MATK: variants seen among roughly 807,000 people sequenced by gnomAD.
MATK encodes the protein megakaryocyte-associated tyrosine-protein kinase.
A neutral mutation model predicts 59.8 loss-of-function variants in MATK; 41 were observed. The observed-to-expected ratio is 0.69, with a 90% CI of 0.53 to 0.89. The LOEUF is 0.89. Ranked by LOEUF, MATK falls within the 40% of genes least tolerant of loss-of-function variation. The pLI is 0.00. For synonymous variants in MATK, 308 were observed against 306.1 expected (o/e 1.01, Z -0.06); for missense variants, 593 against 719.6 (o/e 0.82, Z 2.01).
In MATK at chr19:3,781,675, G is replaced by T; in HGVS notation, c.677-3C>A. The stretch of plus-strand genomic sequence containing the variant: ...CTGCAGGTTCAGTAACCAGCCCGCT[G>T]TGGAGTGAAGACCCAGTCAGAGGGG... On this transcript the variant is annotated splice_polypyrimidine_tract_variant and splice_region_variant and intron_variant, in intron 7 of 13. Transcript: ENST00000310132. 6.2e-7 allele frequency: 1 copy of T among 1,612,830 alleles called. No individual in the cohort carries two copies.
chr19:3,801,340 A>G (rs116396737), intron 1 of MATK, among the ~76,000 whole-genome samples: 1,955 of 151,934 alleles, frequency 0.013, 37 homozygotes, highest in African/African-American at 0.045. Context: ...CTGGCCAGGG[A>G]GATGCTGCCT....
intron 1 of MATK, among the ~76,000 whole-genome samples, chr19:3,796,669 C>T (rs943132590): frequency 6.6e-6 from 1 of 152,116 alleles, no homozygotes; most frequent in Non-Finnish European, 1.5e-5. Context: ...CAGCTGTGAT[C>T]CTGGCCCCTC....
At chr19:3,800,184 G>A (rs1482223584) in intron 1 of MATK, among the ~76,000 whole-genome samples, 1 of 151,736 alleles carries the variant, frequency 6.6e-6, no homozygotes. Flanking sequence ...AAAATAAAAT[G>A]TGTCTTGTAG....
At chr19:3,800,602 C>T (rs761799553) in intron 1 of MATK, among the ~76,000 whole-genome samples, 19 of 150,796 alleles carry the variant, frequency 1.3e-4, no homozygotes, top group East Asian at 4.0e-4. Flanking sequence ...GCCGAGATTG[C>T]GCCACTGCAC....
intron 1 of MATK, among the ~76,000 whole-genome samples, chr19:3,798,771 C>T (rs547547388): frequency 6.6e-6 from 1 of 152,056 alleles, no homozygotes; most frequent in South Asian, 2.1e-4. Flanking sequence ...CTCAGCCTCC[C>T]AAAGTGCTGG....
chr19:3,778,877 G>T, intron 12 of MATK, 115 bp downstream of exon 12: 1 of 1,096,084 alleles, frequency 9.1e-7, no homozygotes. Flanking sequence ...GAGCTTCCTG[G>T]GGAGGCATAG....
At chr19:3,779,656 C>G (rs747695225) in intron 9 of MATK, 39 bp from the exon 10 acceptor site, 3 of 1,581,888 alleles carry the variant, frequency 1.9e-6, no homozygotes, top group Non-Finnish European at 8.6e-7. Flanking sequence ...AGGGCTGGGA[C>G]CCCCCCCGTC....
intron 5 of MATK, 39 bp downstream of exon 5, chr19:3,784,085 T>C (rs1340024942): frequency 1.3e-6 from 2 of 1,588,790 alleles, no homozygotes; most frequent in South Asian, 2.3e-5. Flanking sequence ...GGGGGTCACT[T>C]GCTGTCCCCT....
chr19:3,784,790 C>T, intron 3 of MATK, 35 bp downstream of exon 3: 8 of 1,519,020 alleles, frequency 5.3e-6, no homozygotes, highest in Non-Finnish European at 7.2e-6. Context: ...GAAGAAGGAC[C>T]CGGGGAGCAG....
upstream of MATK, among the ~76,000 whole-genome samples, chr19:3,787,194 G>A (rs78845429): frequency 0.032 from 4,861 of 152,156 alleles, 181 homozygotes; most frequent in African/African-American, 0.09. Context: ...GTGCAGTGGC[G>A]TGATCATAGC....
At chr19:3,779,503 G>A (rs776580818) in intron 10 of MATK, 30 bp downstream of exon 10, 2 of 1,610,102 alleles carry the variant, frequency 1.2e-6, no homozygotes, top group Non-Finnish European at 1.7e-6. Context: ...CCGCTGCGTG[G>A]GCCCCCTCCC....
chr19:3,801,119 G>A lies in MATK; in HGVS notation c.-58+413C>T, dbSNP rs1478764916. On this transcript the variant is annotated intron_variant, in intron 1 of 13. Transcript: ENST00000395045. ...CTCAAAGTGTTGGGATGACAGGCGT[G>A]AGCCACCGCGCCCGGCCGATGCTTC... Among the ~76,000 whole-genome samples, 5 of 152,252 alleles carry A rather than the reference G, an allele frequency of 3.3e-5. No individual in the cohort carries two copies. The East Asian group carries it at 9.7e-4, about 29-fold the overall frequency.
At chr19:3,794,218 T>G (rs1045407223) in intron 1 of MATK, among the ~76,000 whole-genome samples, 2 of 152,178 alleles carry the variant, frequency 1.3e-5, no homozygotes, top group African/African-American at 4.8e-5. Context: ...CACTCGTCAT[T>G]GTCAATCTCC....
intron 1 of MATK, among the ~76,000 whole-genome samples, chr19:3,792,510 C>CTTT (rs140778999): frequency 0.015 from 1,524 of 99,592 alleles, 14 homozygotes; most frequent in Non-Finnish European, 0.019. Flanking sequence ...ATTTCCAACT[C>CTTT]TTTTTTTTTT....
At chr19:3,794,208 C>T (rs1458508149) in intron 1 of MATK, among the ~76,000 whole-genome samples, 7 of 152,204 alleles carry the variant, frequency 4.6e-5, no homozygotes, top group Admixed American at 4.6e-4. Context: ...TATCCTGTCT[C>T]ACTCGTCATT....
chr19:3,785,102 C>T lies in MATK; in HGVS notation c.34G>A (p.Ala12Thr). 1 of 1,614,126 alleles carries T rather than the reference C, an allele frequency of 6.2e-7. No individual in the cohort carries two copies. Among genetic ancestry groups the T allele is most frequent in the Non-Finnish European group, 8.5e-7 (1 of 1,179,996 alleles). Reference protein sequence around the residue: ...AGRGSLVSWRAFHGCDSAEEL... With the variant: ...AGRGSLVSWRTFHGCDSAEEL... ...TCAGCAGAATCACAGCCGTGAAATG[C>T]CCGCCAGGAAACCAGAGAGCCTCGC... The change falls in exon 2 of 14, where the codon GCA becomes ACA. Residue 12 changes from alanine to threonine, a missense_variant. Coordinates refer to ENST00000310132, the MANE Select transcript of MATK (RefSeq NM_139355.3).
intron 1 of MATK, among the ~76,000 whole-genome samples, chr19:3,796,752 T>G (rs763175439): frequency 6.6e-6 from 1 of 152,106 alleles, no homozygotes; most frequent in Non-Finnish European, 1.5e-5. Flanking sequence ...TTTCTTGGTT[T>G]GGTCCCTTGT....
At chr19:3,791,077 G>C (rs2037536913), upstream of MATK, among the ~76,000 whole-genome samples, 1 of 152,042 alleles carries the variant, frequency 6.6e-6, no homozygotes, top group Non-Finnish European at 1.5e-5. Flanking sequence ...TTTCTTTTTT[G>C]ATTTCTTCCC....
intron 1 of MATK, among the ~76,000 whole-genome samples, chr19:3,791,517 A>G (rs2037541897): frequency 6.6e-6 from 1 of 151,710 alleles, no homozygotes; most frequent in Non-Finnish European, 1.5e-5. Context: ...TAATTTTTGT[A>G]TTTTTAGTAG....
Sources: gnomAD v4.1 joint callset for allele counts (sites outside exome capture counted in the v4.1 genomes callset) on GRCh38, gnomAD v4.1.1 for gene constraint, MANE v1.5 for transcripts, NCBI Gene and HGNC (gene_info 2026-07-23, HGNC 2026-07-21) for gene names.